RASAL2: variants seen among roughly 807,000 people sequenced by gnomAD.
RASAL2 encodes RAS protein activator like 2, also known as ras GTPase-activating protein nGAP.
Under a neutral mutation model 128.9 loss-of-function variants are expected in RASAL2, and 58 were observed. That is an observed-to-expected ratio of 0.45 (90% CI 0.36 to 0.56). The LOEUF is 0.56. Among genes scored for constraint, RASAL2 ranks in the 20% least tolerant of loss-of-function variants. The pLI, the probability that RASAL2 is intolerant of heterozygous loss-of-function variation, is 0.00. For synonymous variants in RASAL2, 561 were observed against 580.8 expected (o/e 0.97, Z 0.49); for missense variants, 1,360 against 1,601.6 (o/e 0.85, Z 2.57).
chr1:178,125,334 G>A, intron 1 of RASAL2: 1 of 152,000 alleles, frequency 6.6e-6, no homozygotes, highest in East Asian at 1.9e-4. Flanking sequence ...TAGGTCTTTG[G>A]AATGGCATCT....
intron 15 of RASAL2, among the ~76,000 whole-genome samples, chr1:178,464,842 T>TTTTTTTTTTTTTTTTC (rs1647508345): frequency 7.7e-6 from 1 of 130,338 alleles, no homozygotes; most frequent in South Asian, 2.6e-4. Context: ...TTTTTTTTTT[T>TTTTTTTTTTTTTTTTC]TTTTTTTTTT....
At chr1:178,459,833 T>C (rs1173306645) in intron 14 of RASAL2, among the ~76,000 whole-genome samples, 1 of 152,206 alleles carries the variant, frequency 6.6e-6, no homozygotes, top group East Asian at 1.9e-4. Context: ...TTGTTATATT[T>C]CCCAAAATTT....
At chr1:178,397,182 T>C (rs1673291456) in intron 4 of RASAL2, among the ~76,000 whole-genome samples, 1 of 152,242 alleles carries the variant, frequency 6.6e-6, no homozygotes, top group African/African-American at 2.4e-5. Context: ...CAGATGTTTA[T>C]AGCAGCATTA....
intron 3 of RASAL2, among the ~76,000 whole-genome samples, chr1:178,368,661 A>C (rs1671538389): frequency 6.6e-6 from 1 of 151,154 alleles, no homozygotes. Flanking sequence ...CCTTAGAAAC[A>C]GGGTCTCACT....
intron 1 of RASAL2, among the ~76,000 whole-genome samples, chr1:178,219,819 C>T (rs1319781090): frequency 6.6e-6 from 1 of 151,962 alleles, no homozygotes; most frequent in African/African-American, 2.4e-5. Context: ...CACTTAAATG[C>T]CATTGTAGGG....
chr1:178,330,545 C>G (rs1669247696), intron 3 of RASAL2, among the ~76,000 whole-genome samples: 1 of 152,056 alleles, frequency 6.6e-6, no homozygotes. Context: ...AAGTTATAGA[C>G]TTTTTCACAT....
At chr1:178,102,675 A>G (rs922486824) in intron 1 of RASAL2, among the ~76,000 whole-genome samples, 1 of 152,198 alleles carries the variant, frequency 6.6e-6, no homozygotes, top group African/African-American at 2.4e-5. Context: ...TATTGAAAAC[A>G]TTAACACATT....
At chr1:178,183,745 A>T (rs942538403) in intron 1 of RASAL2, among the ~76,000 whole-genome samples, 4 of 152,184 alleles carry the variant, frequency 2.6e-5, no homozygotes, top group African/African-American at 9.7e-5. Context: ...TTTGGTGATT[A>T]TGAATAAAGT....
chr1:178,159,825 G>C (rs949419926), intron 1 of RASAL2, among the ~76,000 whole-genome samples: 1 of 152,028 alleles, frequency 6.6e-6, no homozygotes, highest in African/African-American at 2.4e-5. Flanking sequence ...AGAATTGTTT[G>C]AATCCAGAGG....
chr1:178,159,050 AATAAAGTAAAAT>A (rs1341161288), intron 1 of RASAL2, among the ~76,000 whole-genome samples: 1 of 152,222 alleles, frequency 6.6e-6, no homozygotes, highest in African/African-American at 2.4e-5. Flanking sequence ...CTTTGGAACC[AATAAAGTAAAAT>A]ATAACTTGAA....
At chr1:178,270,958 T>C (rs1014374155) in intron 1 of RASAL2, among the ~76,000 whole-genome samples, 2 of 152,212 alleles carry the variant, frequency 1.3e-5, no homozygotes, top group South Asian at 4.1e-4. Flanking sequence ...GGGAAGCTCA[T>C]GTCTTAACAT....
At chr1:178,361,848 C>T (rs539739195) in intron 3 of RASAL2, among the ~76,000 whole-genome samples, 6 of 151,920 alleles carry the variant, frequency 3.9e-5, no homozygotes, top group Non-Finnish European at 5.9e-5. Flanking sequence ...AGCTCGTTTC[C>T]CTGCAACTAG....
intron 6 of RASAL2, 126 bp from the exon 7 acceptor site, chr1:178,441,423 C>A: frequency 1.6e-6 from 1 of 616,146 alleles, no homozygotes; most frequent in Non-Finnish European, 2.9e-6. Flanking sequence ...TCTATCCATC[C>A]ATCCATCCTA....
intron 9 of RASAL2, among the ~76,000 whole-genome samples, chr1:178,446,351 T>C (rs867708686): frequency 2.6e-5 from 4 of 152,234 alleles, no homozygotes; most frequent in Non-Finnish European, 1.5e-5. Flanking sequence ...CACTGTCCGA[T>C]AGAAATATGA....
At chr1:178,201,575 T>A (rs1010516607) in intron 1 of RASAL2, among the ~76,000 whole-genome samples, 2 of 152,158 alleles carry the variant, frequency 1.3e-5, no homozygotes, top group African/African-American at 4.8e-5. Flanking sequence ...ACTACAAAAT[T>A]TAAATGCAGT....
intron 1 of RASAL2, among the ~76,000 whole-genome samples, chr1:178,105,438 A>G (rs1558055562): frequency 6.6e-6 from 1 of 152,232 alleles, no homozygotes; most frequent in East Asian, 1.9e-4. Flanking sequence ...ACTTTTAACA[A>G]TGACTTAAAG....
At chr1:178,295,908 C>T (rs1246054785) in intron 2 of RASAL2, among the ~76,000 whole-genome samples, 1 of 152,096 alleles carries the variant, frequency 6.6e-6, no homozygotes, top group African/African-American at 2.4e-5. Context: ...CTTTCTGATG[C>T]TAGTTAGCGT....
intron 1 of RASAL2, among the ~76,000 whole-genome samples, chr1:178,153,076 C>G (rs1287879479): frequency 6.6e-6 from 1 of 152,112 alleles, no homozygotes; most frequent in South Asian, 2.1e-4. Context: ...TTCTAGATCT[C>G]TCTTAATTTA....
At chr1:178,104,801 C>CT (rs1659028992) in intron 1 of RASAL2, among the ~76,000 whole-genome samples, 1 of 152,078 alleles carries the variant, frequency 6.6e-6, no homozygotes. Flanking sequence ...AATGGTACTC[C>CT]TTTTTATTAA....
Sources: allele counts gnomAD v4.1 joint callset (sites outside exome capture counted in the v4.1 genomes callset), GRCh38; gene constraint gnomAD v4.1.1; transcripts MANE v1.5; gene names NCBI Gene and HGNC (gene_info 2026-07-23, HGNC 2026-07-21).